The following RDH13 variants were observed in gnomAD, a reference collection of about 807,000 sequenced individuals.
RDH13 encodes the protein retinol dehydrogenase 13, also known as retinol dehydrogenase 13 (all-trans and 9-cis).
RDH13 carries 35 observed loss-of-function variants against 28.3 expected under a neutral mutation model. The ratio of observed to expected loss-of-function variants is 1.24; its 90% CI spans 0.95 to 1.64. The LOEUF is 1.64. Ranked by LOEUF, RDH13 falls within the 40% of genes most tolerant of loss-of-function variation. The pLI, the probability that RDH13 is intolerant of heterozygous loss-of-function variation, is 0.00. For missense variants in RDH13, 514 were observed against 446.3 expected, an observed-to-expected ratio of 1.15 and a Z score of -1.37; for synonymous variants, 229 against 198.5, an observed-to-expected ratio of 1.15 and a Z score of -1.29.
intron 6 of RDH13, chr19:55,047,154 A>G: frequency 7.1e-7 from 1 of 1,404,526 alleles, no homozygotes; most frequent in Non-Finnish European, 9.2e-7. Flanking sequence ...TCTTCCTCTG[A>G]GACACGGTTT....
chr19:55,064,997 A>G (rs368654358), upstream of RDH13, among the ~76,000 whole-genome samples: 3 of 150,550 alleles, frequency 2.0e-5, no homozygotes, highest in African/African-American at 4.9e-5. Flanking sequence ...TGGTTGCACA[A>G]CAATGTGAAT....
At chr19:55,064,294 A>ATG (rs1568743406), upstream of RDH13, 4 of 151,830 alleles carry the variant, frequency 2.6e-5, no homozygotes, top group Non-Finnish European at 2.9e-5. Flanking sequence ...GGTGGCACTC[A>ATG]CCTGTAGTCC....
intron 3 of RDH13, among the ~76,000 whole-genome samples, chr19:55,051,354 G>A (rs955056448): frequency 3.9e-5 from 6 of 152,236 alleles, no homozygotes; most frequent in Non-Finnish European, 5.9e-5. Flanking sequence ...GCCCAAAGGC[G>A]GGACAGGGAG....
rs370294107 is a variant in RDH13 at position 55,056,712 on chromosome 19, C to T, written c.281G>A (p.Arg94Gln). ...GETLNHHVNA[R>Q]HLDLASLKSI... is the part of the protein sequence containing the mutation. Reference sequence around the variant, plus strand: ...CTTGAGGGAAGCCAAGTCCAGGTGCCGGGCGTTGACATGGTGATTGAGGGT... The same window carrying T: ...CTTGAGGGAAGCCAAGTCCAGGTGCTGGGCGTTGACATGGTGATTGAGGGT... The change falls in exon 3 of 7, where the codon CGG (arginine) becomes CAG (glutamine). Residue 94 changes from arginine to glutamine, a missense_variant. Physicochemically the swap from Arg to Gln is conservative, Grantham distance 43. Transcript: ENST00000415061. The T allele has an allele frequency of 3.2e-5, 51 of 1,613,994 alleles. 1 individual carries two copies. The highest frequency in any genetic ancestry group is 2.0e-4 in the Admixed American group (12 of 59,982).
At chr19:55,046,557 C>T (rs966707796) in intron 6 of RDH13, 2 of 151,900 alleles carry the variant, frequency 1.3e-5, no homozygotes, top group Admixed American at 1.3e-4. Context: ...CTATTAGCCT[C>T]GCCAAGTTAA....
chr19:55,045,358 G>A lies in RDH13; in HGVS notation c.761-49C>T, dbSNP rs542877107. The A allele has an allele frequency of 1.6e-5, 24 of 1,472,106 alleles. No individual in the cohort carries two copies. The African/African-American group carries it at 2.1e-4, about 13-fold the overall frequency. The allele number at this position is 1,472,106 out of a possible 1,614,324, so 91.2% of individuals were successfully genotyped here. On this transcript the variant is annotated intron_variant, in intron 6 of 6. Transcript: ENST00000415061. The stretch of plus-strand genomic sequence containing the variant: ...TAGTCCACACTCGCTCAGAGAGAAG[G>A]AAGGAAGCCCCGCTCCCCGGTCAGG...
intron 3 of RDH13, 63 bp from the exon 4 acceptor site, chr19:55,048,826 G>A: frequency 7.3e-7 from 1 of 1,363,568 alleles, no homozygotes; most frequent in Non-Finnish European, 1.0e-6. Context: ...TGATGCACCA[G>A]CAGAAACACT....
Position 55,044,990 on chromosome 19 carries a change from G to C in RDH13, c.*84C>G. 2 of 1,052,598 alleles carry C rather than the reference G, an allele frequency of 1.9e-6. No individual in the cohort carries two copies. Among genetic ancestry groups the C allele is most frequent in the South Asian group, 3.1e-5 (2 of 65,268 alleles). 65.2% of individuals were successfully genotyped at this position (1,052,598 alleles called of 1,614,324 possible). ...CGCCAGTCCTGGGTCTCCCGGCTCA[G>C]GTAGTGCCAGGAAGCTGCGGGCATG... On this transcript the variant is annotated 3_prime_UTR_variant, in exon 7 of 7. Transcript: ENST00000415061.
upstream of RDH13, among the ~76,000 whole-genome samples, chr19:55,066,444 CCTCTCTCTCCCT>C (rs903939226): frequency 4.4e-4 from 19 of 43,090 alleles, no homozygotes; most frequent in African/African-American, 2.6e-3. Context: ...GTCTTCTCTC[CCTCTCTCTCCCT>C]CTCTCTTCCT....
chr19:55,045,216 C>A lies in RDH13; in HGVS notation c.854G>T (p.Gly285Val), dbSNP rs1410750841. ...CTGTTTGAGTCCATCGAAGTACTTT[C>A]CGGAAACATCCGCCAGTTCCTCCGC... ...AVAEELADVS[G>V]KYFDGLKQKA... The change falls in exon 7 of 7, where the codon GGA becomes GTA. Residue 285 changes from glycine (G) to valine (V), a missense_variant. Gly to Val is a moderately radical substitution (Grantham distance 109, BLOSUM62 -3). Transcript: ENST00000415061. 3 of 1,613,490 alleles carry A rather than the reference C, an allele frequency of 1.9e-6. No homozygotes were observed. The South Asian group carries it at 3.3e-5, about 18-fold the overall frequency.
chr19:55,061,969 TAGAC>T lies in RDH13; in HGVS notation c.65+995_65+998del, dbSNP rs1018047263. Among the ~76,000 whole-genome samples, 8 of 151,828 alleles carry T rather than the reference TAGAC, an allele frequency of 5.3e-5. No individual in the cohort carries two copies. The South Asian group carries it at 6.2e-4, about 12-fold the overall frequency. ...CTCGTCTCTACTAAAAATACAAAAT[TAGAC>T]AGGCGTGGTGGCACATGCCTGTAAT... On this transcript the variant is annotated intron_variant, in intron 1 of 6. Transcript: ENST00000415061.
chr19:55,040,102 G>A (rs895855503), downstream of RDH13, among the ~76,000 whole-genome samples: 10 of 152,290 alleles, frequency 6.6e-5, no homozygotes, highest in Non-Finnish European at 1.3e-4. Flanking sequence ...GGGATCCATA[G>A]TGGTGATGGT....
At chr19:55,041,092 C>G (rs923510267), downstream of RDH13, 1 of 152,278 alleles carries the variant, frequency 6.6e-6, no homozygotes, top group African/African-American at 2.4e-5. Flanking sequence ...CGCCACTGCA[C>G]TCCAGCCTGG....
At chr19:55,059,310 G>T (rs1450821497) in intron 1 of RDH13, 35 bp from the exon 2 acceptor site, 2 of 1,421,010 alleles carry the variant, frequency 1.4e-6, no homozygotes, top group Non-Finnish European at 9.7e-7. Flanking sequence ...AGTCCTGTGG[G>T]CCCACTCTCA....
At chr19:55,058,022 T>TGCCTCA (rs1450648252) in intron 2 of RDH13, among the ~76,000 whole-genome samples, 2 of 151,724 alleles carry the variant, frequency 1.3e-5, no homozygotes, top group African/African-American at 4.8e-5. Flanking sequence ...GTGATCCTCC[T>TGCCTCA]GCCTCAGCCT....
At chr19:55,058,066 G>A (rs952076504) in intron 2 of RDH13, among the ~76,000 whole-genome samples, 4 of 151,892 alleles carry the variant, frequency 2.6e-5, no homozygotes, top group Non-Finnish European at 4.4e-5. Context: ...GTGAGCCACC[G>A]AGACCCGCCC....
In RDH13 at chr19:55,044,985, G is replaced by C. The variant is rs2075157551; in HGVS notation, c.*89C>G. Reference sequence around the variant, plus strand: ...GCGGCCGCCAGTCCTGGGTCTCCCGGCTCAGGTAGTGCCAGGAAGCTGCGG... The same window carrying C: ...GCGGCCGCCAGTCCTGGGTCTCCCGCCTCAGGTAGTGCCAGGAAGCTGCGG... On this transcript the variant is annotated 3_prime_UTR_variant, in exon 7 of 7. Transcript: ENST00000415061. 1 of 1,018,652 alleles carries C rather than the reference G, an allele frequency of 9.8e-7. No homozygotes were observed. The highest frequency in any genetic ancestry group is 1.6e-5 in the South Asian group (1 of 63,996). The allele number at this position is 1,018,652 out of a possible 1,614,324, so 63.1% of individuals were successfully genotyped here.
chr19:55,050,470 C>G (rs1015778174), intron 3 of RDH13, among the ~76,000 whole-genome samples: 45 of 152,068 alleles, frequency 3.0e-4, no homozygotes, highest in African/African-American at 1.1e-3. Flanking sequence ...GACACCTGGG[C>G]TGGAGTACAG....
chr19:55,053,494 A>G (rs2147033150), intron 3 of RDH13, among the ~76,000 whole-genome samples: 1 of 151,722 alleles, frequency 6.6e-6, no homozygotes, highest in South Asian at 2.1e-4. Context: ...TCTCTAGTAA[A>G]AAATATAAAA....
Sources: allele counts gnomAD v4.1 joint callset (sites outside exome capture counted in the v4.1 genomes callset), GRCh38; gene constraint gnomAD v4.1.1; transcripts MANE v1.5; gene names NCBI Gene and HGNC (gene_info 2026-07-23, HGNC 2026-07-21).